ANKFY1: variants seen among roughly 807,000 people sequenced by gnomAD.
The protein encoded by ANKFY1 is ankyrin repeat and FYVE domain containing 1, also known as ankyrin repeat and FYVE domain-containing protein 1.
ANKFY1 carries 47 observed loss-of-function variants against 128.3 expected under a neutral mutation model. The observed-to-expected ratio is 0.37, with a 90% CI of 0.29 to 0.47. The LOEUF (loss-of-function observed/expected upper bound fraction) is 0.47. Among genes scored for constraint, ANKFY1 ranks in the 20% least tolerant of loss-of-function variants. The pLI is 1.00. For missense variants in ANKFY1, 1,222 were observed against 1,510.6 expected (o/e 0.81, Z 3.17); for synonymous variants, 553 against 601.6 (o/e 0.92, Z 1.18).
chr17:4,190,522 C>A (rs1405456908), intron 10 of ANKFY1, among the ~76,000 whole-genome samples: 1 of 151,946 alleles, frequency 6.6e-6, no homozygotes, highest in African/African-American at 2.4e-5. Flanking sequence ...TGGCTGAAAA[C>A]CACTTGGCTG....
intron 20 of ANKFY1, 52 bp downstream of exon 20, chr17:4,173,857 A>T: frequency 1.3e-6 from 2 of 1,577,370 alleles, no homozygotes; most frequent in Non-Finnish European, 1.7e-6. Context: ...CTGCACCCCC[A>T]CCCCTAGAAT....
At chr17:4,182,022 G>A (rs921373883) in intron 15 of ANKFY1, among the ~76,000 whole-genome samples, 159 bp downstream of exon 15, 1 of 152,226 alleles carries the variant, frequency 6.6e-6, no homozygotes, top group African/African-American at 2.4e-5. Context: ...AGACCATGTT[G>A]AACTGCAAGT....
chr17:4,256,315 C>A (rs1196607288), intron 1 of ANKFY1, among the ~76,000 whole-genome samples: 1 of 152,054 alleles, frequency 6.6e-6, no homozygotes, highest in African/African-American at 2.4e-5. Flanking sequence ...GTAGTCCCAG[C>A]TACTCAGGAG....
chr17:4,200,996 C>T (rs1250192606), intron 7 of ANKFY1, among the ~76,000 whole-genome samples: 1 of 152,124 alleles, frequency 6.6e-6, no homozygotes, highest in Non-Finnish European at 1.5e-5. Flanking sequence ...ATCTGGTTCT[C>T]AGTAGGTATG....
rs975699475 is a variant in ANKFY1, at chr17:4,166,546, C to A, written c.*1233G>T. 2 of 152,584 alleles carry A rather than the reference C, an allele frequency of 1.3e-5. No homozygotes were observed. Among genetic ancestry groups the A allele is most frequent in the Non-Finnish European group, 2.9e-5 (2 of 68,036 alleles). The allele number at this position is 152,584 out of a possible 1,614,324, so 9.5% of individuals were successfully genotyped here. ...TAATATATGTACTAACAGCGATGAA[C>A]GCCCAACAAGTTCTGGCAGCCTCAT... On this transcript the variant is annotated 3_prime_UTR_variant, in exon 25 of 25. Transcript: ENST00000341657.
In ANKFY1 at chr17:4,235,769, C is replaced by T. The variant is rs756952688; in HGVS notation, c.322+3G>A. On this transcript the variant is annotated splice_donor_region_variant and intron_variant, in intron 3 of 24. Transcript: ENST00000341657. The stretch of plus-strand genomic sequence containing the variant: ...TTGTGTCCCTGATCACTCAAAGGCT[C>T]ACCTGACAGGTCCAACTCTTTAGTG... 2 of 1,612,612 alleles carry T rather than the reference C, an allele frequency of 1.2e-6. No individual in the cohort carries two copies. The highest frequency in any genetic ancestry group is 1.3e-5 in the African/African-American group (1 of 75,022).
At chr17:4,191,075 T>A (rs1176337193) in intron 10 of ANKFY1, 1 of 152,282 alleles carries the variant, frequency 6.6e-6, no homozygotes, top group Non-Finnish European at 1.5e-5. Context: ...GAGGCAGAGG[T>A]TGCAGTGAGC....
chr17:4,190,350 G>GGA, intron 10 of ANKFY1, among the ~76,000 whole-genome samples: 1 of 152,034 alleles, frequency 6.6e-6, no homozygotes, highest in South Asian at 2.1e-4. Flanking sequence ...CTGAGACACA[G>GGA]GAATTGCTTG....
intron 3 of ANKFY1, among the ~76,000 whole-genome samples, chr17:4,234,502 A>AT (rs1323683587): frequency 9.9e-5 from 15 of 151,520 alleles, no homozygotes; most frequent in African/African-American, 3.6e-4. Flanking sequence ...GTAGCTATTA[A>AT]TTTTTTCTTT....
chr17:4,209,925 G>C lies in ANKFY1; in HGVS notation c.481C>G (p.Leu161Val), dbSNP rs980415304. ...RERCEKGVMSLVNVRNCIRFY... is the reference protein window; with the variant it reads ...RERCEKGVMSVVNVRNCIRFY... The stretch of plus-strand genomic sequence containing the variant: ...CGAATACAGTTCCTGACATTCACTA[G>C]AGACATAACACCCTTCTCACATCTG... Residue 161 changes from leucine to valine, a missense_variant, in exon 5 of 25, where the codon CTA becomes GTA. Leu to Val is a conservative substitution (Grantham distance 32, BLOSUM62 1). Transcript: ENST00000341657. 6.2e-7 allele frequency: 1 copy of C among 1,613,712 alleles called. No individual in the cohort carries two copies. The highest frequency in any genetic ancestry group is 8.5e-7 in the Non-Finnish European group (1 of 1,179,674).
chr17:4,245,314 T>C (rs370709941), intron 1 of ANKFY1, among the ~76,000 whole-genome samples: 3 of 152,200 alleles, frequency 2.0e-5, no homozygotes, highest in South Asian at 4.1e-4. Flanking sequence ...CAAGTGATCT[T>C]CCCACCTCAG....
chr17:4,167,942 G>C lies in ANKFY1; in HGVS notation c.3378-31C>G, dbSNP rs775486637. 1 of 1,603,176 alleles carries C rather than the reference G, an allele frequency of 6.2e-7. No individual in the cohort carries two copies. Among genetic ancestry groups the C allele is most frequent in the Admixed American group, 1.7e-5 (1 of 59,042 alleles). On this transcript the variant is annotated intron_variant, in intron 24 of 24. Transcript: ENST00000341657. The surrounding 1 kb of genome is among the most constrained non-coding windows in gnomAD (Gnocchi z 4.1). Reference sequence around the variant, plus strand: ...GAAGCAAAGAAAGGAAGTATGAGAGGAGCGCCAACGACAGACTCTGCTTCC... The same window carrying C: ...GAAGCAAAGAAAGGAAGTATGAGAGCAGCGCCAACGACAGACTCTGCTTCC...
At chr17:4,186,810 A>T in intron 11 of ANKFY1, 1 of 991,158 alleles carries the variant, frequency 1.0e-6, no homozygotes, top group Non-Finnish European at 1.2e-6. Context: ...TTCTGCCATT[A>T]TCTGCAAGGA....
chr17:4,210,877 C>G (rs1021874054), intron 4 of ANKFY1, among the ~76,000 whole-genome samples: 1 of 149,792 alleles, frequency 6.7e-6, no homozygotes, highest in Admixed American at 6.7e-5. Flanking sequence ...ACTAAAAATA[C>G]AAAAATTAGC....
chr17:4,194,454 CCATCT>C (rs1427628458), intron 10 of ANKFY1: 2 of 128,236 alleles, frequency 1.6e-5, no homozygotes, highest in African/African-American at 5.6e-5. Flanking sequence ...GTTTTAATAT[CCATCT>C]TTTTTTTTTT....
intron 3 of ANKFY1, among the ~76,000 whole-genome samples, chr17:4,218,312 A>G (rs1379332501): frequency 6.6e-6 from 1 of 152,272 alleles, no homozygotes; most frequent in East Asian, 1.9e-4. Flanking sequence ...AAATCGTAAG[A>G]GTCCAACAAT....
At chr17:4,176,153 G>A (rs533300277) in intron 19 of ANKFY1, among the ~76,000 whole-genome samples, 49 of 152,286 alleles carry the variant, frequency 3.2e-4, no homozygotes, top group Non-Finnish European at 6.0e-4. Context: ...GCTCGGTCTC[G>A]TCACTGGTGA....
intron 17 of ANKFY1, chr17:4,179,459 TA>T (rs2059470175): frequency 1.8e-6 from 1 of 555,034 alleles, no homozygotes; most frequent in Non-Finnish European, 3.2e-6. Flanking sequence ...GATTTGGGAC[TA>T]AACTCTCAGA....
rs754746864 is a variant in ANKFY1 at position 4,179,707 on chromosome 17, G to A, written c.2397+14C>T. ...GGGCTACACCTCTCTCCCCGGAAAA[G>A]AGAAACGACACACCTGTGCGTTCAC... On this transcript the variant is annotated intron_variant, in intron 17 of 24. Transcript: ENST00000341657. 6 of 1,612,656 alleles carry A rather than the reference G, an allele frequency of 3.7e-6. No individual in the cohort carries two copies. Among genetic ancestry groups the A allele is most frequent in the Non-Finnish European group, 4.2e-6 (5 of 1,179,550 alleles).
Sources: gnomAD v4.1 joint callset for allele counts (sites outside exome capture counted in the v4.1 genomes callset) on GRCh38, gnomAD v4.1.1 for gene constraint, Gnocchi (gnomAD v3.1) non-coding constraint, MANE v1.5 for transcripts, NCBI Gene and HGNC (gene_info 2026-07-23, HGNC 2026-07-21) for gene names.